SLC24A2: variants seen among roughly 807,000 people sequenced by gnomAD.
The protein encoded by SLC24A2 is solute carrier family 24 member 2.
A neutral mutation model predicts 62.0 loss-of-function variants in SLC24A2; 36 were observed. That is an observed-to-expected ratio of 0.58 (90% CI 0.44 to 0.77). The LOEUF (loss-of-function observed/expected upper bound fraction) is 0.77. Among genes scored for constraint, SLC24A2 ranks in the 30% least tolerant of loss-of-function variants. SLC24A2 has a pLI of 0.00. For synonymous variants in SLC24A2, 358 were observed against 294.0 expected (o/e 1.22, Z -2.23); for missense variants, 846 against 817.9 (o/e 1.03, Z -0.42).
At chr9:20,181,192 C>T in the SLC24A2 span, among the ~76,000 whole-genome samples, 2 of 151,772 alleles carry the variant, frequency 1.3e-5, no homozygotes, top group Non-Finnish European at 2.9e-5. Context: ...TTACAATCTA[C>T]AGCCGTATAT....
the SLC24A2 span, among the ~76,000 whole-genome samples, chr9:20,255,186 A>T: frequency 6.6e-6 from 1 of 152,204 alleles, no homozygotes; most frequent in Admixed American, 6.5e-5. Context: ...ATCCTTAATC[A>T]CTTACCACTT....
chr9:19,888,947 G>A, the SLC24A2 span, among the ~76,000 whole-genome samples: 1 of 152,160 alleles, frequency 6.6e-6, no homozygotes, highest in Non-Finnish European at 1.5e-5. Context: ...CAGGTATCCT[G>A]ACAACCTGGT....
At chr9:19,908,702 A>T in the SLC24A2 span, among the ~76,000 whole-genome samples, 1 of 152,234 alleles carries the variant, frequency 6.6e-6, no homozygotes, top group Non-Finnish European at 1.5e-5. Flanking sequence ...AAAAGAAGAC[A>T]TTTATGCAGC....
chr9:20,102,013 C>A, the SLC24A2 span, among the ~76,000 whole-genome samples: 1 of 152,170 alleles, frequency 6.6e-6, no homozygotes. Flanking sequence ...AGGACAGAGA[C>A]AGTATCATTC....
the SLC24A2 span, among the ~76,000 whole-genome samples, chr9:19,833,207 T>C: frequency 2.6e-5 from 4 of 152,250 alleles, no homozygotes; most frequent in East Asian, 1.9e-4. Flanking sequence ...TTCATCTCAC[T>C]GGGGAGTGCC....
chr9:19,730,850 T>G (rs572671927), intron 2 of SLC24A2, among the ~76,000 whole-genome samples: 1 of 151,654 alleles, frequency 6.6e-6, no homozygotes, highest in Non-Finnish European at 1.5e-5. Context: ...CTCCTACTCC[T>G]TTCTACACTT....
intron 2 of SLC24A2, among the ~76,000 whole-genome samples, chr9:19,736,003 T>TA (rs759175335): frequency 4.6e-5 from 7 of 150,596 alleles, no homozygotes; most frequent in Admixed American, 2.7e-4. Context: ...ACTTAAAGTA[T>TA]AAAAAAAAAG....
At chr9:19,593,703 C>T (rs895709239) in intron 5 of SLC24A2, among the ~76,000 whole-genome samples, 2 of 152,078 alleles carry the variant, frequency 1.3e-5, no homozygotes, top group Admixed American at 1.3e-4. Context: ...TCCATCTGCC[C>T]CTGTTCCACT....
At chr9:19,900,587 G>T in the SLC24A2 span, among the ~76,000 whole-genome samples, 1 of 152,064 alleles carries the variant, frequency 6.6e-6, no homozygotes, top group Non-Finnish European at 1.5e-5. Context: ...GTGAAATAAG[G>T]CATACTAGTA....
At chr9:20,193,942 T>C in the SLC24A2 span, among the ~76,000 whole-genome samples, 3 of 152,148 alleles carry the variant, frequency 2.0e-5, no homozygotes, top group Admixed American at 6.6e-5. Flanking sequence ...CTTTAAGATT[T>C]ATCAAAGAAT....
the SLC24A2 span, among the ~76,000 whole-genome samples, chr9:19,918,823 C>A: frequency 6.6e-6 from 1 of 152,170 alleles, no homozygotes; most frequent in Non-Finnish European, 1.5e-5. Context: ...AGGAACTGCC[C>A]TTACCATGTC....
At chr9:19,636,575 C>T (rs1423118723) in intron 2 of SLC24A2, among the ~76,000 whole-genome samples, 1 of 151,262 alleles carries the variant, frequency 6.6e-6, no homozygotes, top group East Asian at 1.9e-4. Context: ...GCTGGGATTA[C>T]AGGCAGCCAT....
At chr9:19,872,885 C>T in the SLC24A2 span, among the ~76,000 whole-genome samples, 2 of 151,984 alleles carry the variant, frequency 1.3e-5, no homozygotes, top group South Asian at 2.1e-4. Context: ...TCCAGAGCCC[C>T]GGTAATAAAG....
the SLC24A2 span, among the ~76,000 whole-genome samples, chr9:20,090,048 AG>A: frequency 6.6e-6 from 1 of 152,152 alleles, no homozygotes; most frequent in African/African-American, 2.4e-5. Context: ...AGACTAAAAA[AG>A]GAGCAAAGGC....
intron 2 of SLC24A2, among the ~76,000 whole-genome samples, chr9:19,683,536 C>CTTTTTTTTTTTTTTT (rs74320355): frequency 7.0e-6 from 1 of 143,150 alleles, no homozygotes; most frequent in Non-Finnish European, 1.5e-5. Flanking sequence ...GTGCTCTGAA[C>CTTTTTTTTTTTTTTT]TTTTTTTTTT....
At chr9:19,658,689 C>G (rs571465669) in intron 2 of SLC24A2, among the ~76,000 whole-genome samples, 1 of 152,304 alleles carries the variant, frequency 6.6e-6, no homozygotes, top group East Asian at 1.9e-4. Context: ...CAATGATATC[C>G]TGCCCTGGGG....
the SLC24A2 span, among the ~76,000 whole-genome samples, chr9:20,282,599 A>G: frequency 6.6e-6 from 1 of 152,204 alleles, no homozygotes; most frequent in African/African-American, 2.4e-5. Context: ...CCATCTTTAG[A>G]AGTAACATGA....
At chr9:19,784,939 G>C (rs1451627174) in intron 2 of SLC24A2, among the ~76,000 whole-genome samples, 2 of 151,618 alleles carry the variant, frequency 1.3e-5, no homozygotes, top group East Asian at 2.0e-4. Flanking sequence ...TTTTCTTTTT[G>C]AACAAAATCT....
chr9:19,569,197 G>T (rs563736004), intron 7 of SLC24A2, among the ~76,000 whole-genome samples: 73 of 152,200 alleles, frequency 4.8e-4, no homozygotes, highest in African/African-American at 1.7e-3. Context: ...TGCTGCTATT[G>T]CTTCCTGTTT....
Sources: gnomAD v4.1 joint callset for allele counts (sites outside exome capture counted in the v4.1 genomes callset) on GRCh38, gnomAD v4.1.1 for gene constraint, MANE v1.5 for transcripts, NCBI Gene and HGNC (gene_info 2026-07-23, HGNC 2026-07-21) for gene names.